SCHIP1: variants seen among roughly 807,000 people sequenced by gnomAD.
SCHIP1 encodes the protein schwannomin interacting protein 1, also known as schwannomin-interacting protein 1.
Under a neutral mutation model 29.7 loss-of-function variants are expected in SCHIP1, and 8 were observed. That is an observed-to-expected ratio of 0.27 (90% confidence interval 0.16 to 0.49). The LOEUF is 0.49. Ranked by LOEUF, SCHIP1 falls within the 20% of genes least tolerant of loss-of-function variation. The pLI is 0.99. For synonymous variants in SCHIP1, 76 were observed against 94.9 expected, an observed-to-expected ratio of 0.80 and a Z score of 1.16; for missense variants, 193 against 294.6, an observed-to-expected ratio of 0.66 and a Z score of 2.52.
intron 1 of SCHIP1, among the ~76,000 whole-genome samples, chr3:159,843,524 A>G (rs1744472460): frequency 1.3e-5 from 2 of 152,088 alleles, no homozygotes; most frequent in African/African-American, 2.4e-5. Flanking sequence ...TTGACTAACA[A>G]AAAAGGCATT....
At chr3:159,542,046 T>A in the SCHIP1 span, among the ~76,000 whole-genome samples, 1 of 152,140 alleles carries the variant, frequency 6.6e-6, no homozygotes, top group Non-Finnish European at 1.5e-5. Flanking sequence ...TAGTTTATCT[T>A]ATTTAATTCT....
the SCHIP1 span, among the ~76,000 whole-genome samples, chr3:159,301,077 C>T: frequency 0.026 from 3,909 of 152,214 alleles, 163 homozygotes; most frequent in African/African-American, 0.09. Context: ...ATTGATAGTA[C>T]ATAGTACATA....
the SCHIP1 span, among the ~76,000 whole-genome samples, chr3:159,716,855 C>T: frequency 1.3e-5 from 2 of 152,112 alleles, no homozygotes; most frequent in Non-Finnish European, 2.9e-5. Flanking sequence ...AAAAGGATAT[C>T]CAGGAATTGA....
At chr3:159,395,959 C>A in the SCHIP1 span, among the ~76,000 whole-genome samples, 1 of 152,066 alleles carries the variant, frequency 6.6e-6, no homozygotes, top group Non-Finnish European at 1.5e-5. Context: ...GAGTCCAAGT[C>A]TCTTTGTAGG....
intron 2 of SCHIP1, 147 bp downstream of exon 3, chr3:159,866,428 A>G: frequency 1.5e-6 from 1 of 667,622 alleles, no homozygotes. Context: ...TTTTAGACAG[A>G]CCCTTCCCCA....
the SCHIP1 span, among the ~76,000 whole-genome samples, chr3:159,294,095 C>G: frequency 6.6e-6 from 1 of 152,046 alleles, no homozygotes; most frequent in Non-Finnish European, 1.5e-5. Flanking sequence ...GTTAACCACT[C>G]TAGGACTCTG....
chr3:159,312,421 A>G, the SCHIP1 span, among the ~76,000 whole-genome samples: 3 of 152,294 alleles, frequency 2.0e-5, 1 homozygote, highest in Middle Eastern at 6.8e-3. Context: ...AGCCAAAAAA[A>G]TGTCAGAAGA....
At chr3:159,670,445 T>C in the SCHIP1 span, among the ~76,000 whole-genome samples, 1 of 152,230 alleles carries the variant, frequency 6.6e-6, no homozygotes, top group African/African-American at 2.4e-5. Flanking sequence ...TTCTCTGAAC[T>C]GAAAACAGAC....
At chr3:159,635,334 G>T in the SCHIP1 span, among the ~76,000 whole-genome samples, 2 of 152,158 alleles carry the variant, frequency 1.3e-5, no homozygotes, top group Admixed American at 6.6e-5. Context: ...TGGTAGGGAT[G>T]GGGGGTCTCT....
At chr3:159,391,158 T>C in the SCHIP1 span, among the ~76,000 whole-genome samples, 1 of 152,170 alleles carries the variant, frequency 6.6e-6, no homozygotes, top group African/African-American at 2.4e-5. Context: ...ATTTAAATTG[T>C]CCCATTATAG....
At chr3:159,570,887 A>G in the SCHIP1 span, among the ~76,000 whole-genome samples, 1 of 152,114 alleles carries the variant, frequency 6.6e-6, no homozygotes, top group South Asian at 2.1e-4. Context: ...ATTCCTAGGT[A>G]TTTTATTCTC....
At chr3:159,367,636 C>T in the SCHIP1 span, among the ~76,000 whole-genome samples, 34,672 of 151,978 alleles carry the variant, frequency 0.23, 5,138 homozygotes, top group African/African-American at 0.42. Context: ...AGTTAGGACA[C>T]ATGGGCTTTC....
At chr3:159,554,005 TGTGTGTGTGTGTGTTTGTG>T in the SCHIP1 span, among the ~76,000 whole-genome samples, 2 of 126,806 alleles carry the variant, frequency 1.6e-5, no homozygotes, top group African/African-American at 8.1e-5. Flanking sequence ...TGTGTGTGTG[TGTGTGTGTGTGTGTTTGTG>T]TATGTGTGTG....
At chr3:159,724,136 T>G in the SCHIP1 span, among the ~76,000 whole-genome samples, 2 of 152,218 alleles carry the variant, frequency 1.3e-5, no homozygotes, top group African/African-American at 4.8e-5. Flanking sequence ...GAGTGAAGTT[T>G]TAATATTTTC....
chr3:159,743,678 G>T, the SCHIP1 span, among the ~76,000 whole-genome samples: 1 of 152,138 alleles, frequency 6.6e-6, no homozygotes, highest in Non-Finnish European at 1.5e-5. Flanking sequence ...GAGAATGGGG[G>T]CAGAAGAGAA....
the SCHIP1 span, among the ~76,000 whole-genome samples, chr3:159,507,140 C>T: frequency 1.3e-5 from 2 of 152,156 alleles, no homozygotes; most frequent in Non-Finnish European, 2.9e-5. Context: ...TCTTTTATTT[C>T]GTTGAGCAGT....
the SCHIP1 span, among the ~76,000 whole-genome samples, chr3:159,715,864 G>A: frequency 0.012 from 1,818 of 152,294 alleles, 33 homozygotes; most frequent in African/African-American, 0.041. Flanking sequence ...CACCTAGCAA[G>A]GCAGGCCAAC....
At chr3:159,315,197 CTTTTT>C in the SCHIP1 span, among the ~76,000 whole-genome samples, 1 of 91,082 alleles carries the variant, frequency 1.1e-5, no homozygotes. Context: ...TTTAGGACTT[CTTTTT>C]TTTTTTTTTT....
chr3:159,721,867 C>A, the SCHIP1 span: 1 of 407,388 alleles, frequency 2.5e-6, no homozygotes, highest in Non-Finnish European at 4.9e-6. Context: ...TTGGGGATGC[C>A]ACTCAGCATC....
Sources: gnomAD v4.1 joint callset for allele counts (sites outside exome capture counted in the v4.1 genomes callset) on GRCh38, gnomAD v4.1.1 for gene constraint, MANE v1.5 for transcripts, NCBI Gene and HGNC (gene_info 2026-07-23, HGNC 2026-07-21) for gene names.